Variants in NXN observed in about 807,000 individuals in gnomAD.
NXN encodes the protein nucleoredoxin, also known as nucleoredoxin 1.
NXN carries 16 observed loss-of-function variants against 48.6 expected under a neutral mutation model. The observed-to-expected ratio is 0.33, with a 90% confidence interval of 0.22 to 0.50. NXN has a LOEUF of 0.50. Among genes scored for constraint, NXN ranks in the 20% least tolerant of loss-of-function variants. The probability of loss-of-function intolerance (pLI) is 0.98; values close to 1 mark genes in which losing one functional copy is unlikely to be tolerated. For synonymous variants in NXN, 281 were observed against 269.6 expected, an observed-to-expected ratio of 1.04 and a Z score of -0.41; for missense variants, 492 against 605.5, an observed-to-expected ratio of 0.81 and a Z score of 1.97.
At chr17:887,956 C>G (rs2068366715) in intron 1 of NXN, among the ~76,000 whole-genome samples, 3 of 150,046 alleles carry the variant, frequency 2.0e-5, no homozygotes, top group South Asian at 2.1e-4. Flanking sequence ...TCCACCAGAC[C>G]TCTCCAAGCC....
intron 1 of NXN, among the ~76,000 whole-genome samples, chr17:852,498 A>G (rs966097639): frequency 5.9e-5 from 9 of 152,200 alleles, no homozygotes; most frequent in Non-Finnish European, 8.8e-5. Context: ...GAATGTCCAT[A>G]CTGACGTCCA....
Position 822,336 on chromosome 17 carries a change from G to A in NXN, c.713+21C>T, listed in dbSNP as rs373523545. On this transcript the variant is annotated intron_variant, in intron 4 of 7. Coordinates refer to ENST00000336868, the MANE Select transcript of NXN (RefSeq NM_022463.5). ...CAGCTACCTACAGAAAAGGGGCCCA[G>A]CACTTCACGGCACGACTGACCTGTC... 1.2e-5 allele frequency: 18 copies of A among 1,558,896 alleles called. No homozygotes were observed. In the African/African-American group the frequency reaches 2.2e-4, roughly 19 times the overall value.
At chr17:892,893 T>G (rs934272466) in intron 1 of NXN, among the ~76,000 whole-genome samples, 1 of 152,222 alleles carries the variant, frequency 6.6e-6, no homozygotes, top group Non-Finnish European at 1.5e-5. Flanking sequence ...ATAGTAACAA[T>G]GTACCCATAC....
intron 1 of NXN, among the ~76,000 whole-genome samples, chr17:886,555 T>A (rs549063877): frequency 1.3e-5 from 2 of 152,264 alleles, no homozygotes; most frequent in East Asian, 3.9e-4. Flanking sequence ...TGTGGGTGGA[T>A]CACCTGAGGT....
At chr17:854,837 T>G (rs2067968376) in intron 1 of NXN, among the ~76,000 whole-genome samples, 1 of 151,672 alleles carries the variant, frequency 6.6e-6, no homozygotes, top group South Asian at 2.1e-4. Context: ...CAGGCACCTG[T>G]AGTTCCAGCT....
At chr17:836,050 G>C (rs1913804298) in intron 1 of NXN, among the ~76,000 whole-genome samples, 1 of 101,676 alleles carries the variant, frequency 9.8e-6, no homozygotes, top group African/African-American at 4.6e-5. Context: ...AAACACCGGT[G>C]GGATTCGTCA....
chr17:803,580 C>A (rs1911320346), intron 7 of NXN, 102 bp downstream of exon 7: 2 of 1,483,776 alleles, frequency 1.3e-6, no homozygotes, highest in Non-Finnish European at 9.3e-7. Context: ...ACAGGCAGCC[C>A]TGACCCTGGG....
At chr17:873,801 C>G (rs2068185493) in intron 1 of NXN, among the ~76,000 whole-genome samples, 1 of 152,132 alleles carries the variant, frequency 6.6e-6, no homozygotes, top group African/African-American at 2.4e-5. Context: ...TAAACCATTT[C>G]CCTGGGGGGA....
intron 1 of NXN, among the ~76,000 whole-genome samples, chr17:971,062 T>C (rs2150640466): frequency 6.6e-6 from 1 of 150,878 alleles, no homozygotes; most frequent in African/African-American, 2.4e-5. Context: ...TTCTCCTGCC[T>C]CAGCCTCCTC....
intron 1 of NXN, among the ~76,000 whole-genome samples, chr17:844,497 C>T (rs1231108565): frequency 6.6e-6 from 1 of 152,204 alleles, no homozygotes; most frequent in Non-Finnish European, 1.5e-5. Context: ...AGCTATGAGG[C>T]GATCGCATGT....
intron 1 of NXN, among the ~76,000 whole-genome samples, chr17:918,890 C>A (rs2068717294): frequency 6.6e-6 from 1 of 151,484 alleles, no homozygotes; most frequent in South Asian, 2.1e-4. Flanking sequence ...GTTTCCACAG[C>A]CTCCTTCCTC....
At chr17:908,351 C>CA (rs1316524248) in intron 1 of NXN, among the ~76,000 whole-genome samples, 1 of 152,006 alleles carries the variant, frequency 6.6e-6, no homozygotes, top group African/African-American at 2.4e-5. Context: ...GCCTGGCCAA[C>CA]ATGGTGAAAC....
At chr17:840,381 C>A (rs1028315013) in intron 1 of NXN, among the ~76,000 whole-genome samples, 22 of 152,190 alleles carry the variant, frequency 1.4e-4, no homozygotes, top group African/African-American at 5.3e-4. Context: ...GCTCTGCCGC[C>A]CAGGCTGGGG....
At position 958,055 on chromosome 17, in the gene NXN, G is replaced by A. The variant is rs1159308964; in HGVS notation, c.360+21264C>T. Among the ~76,000 whole-genome samples the A allele has an allele frequency of 2.0e-5, 3 of 152,074 alleles. No homozygotes were observed. The highest frequency in any genetic ancestry group is 4.4e-5 in the Non-Finnish European group (3 of 68,022). ...TCCTCTCGCTCCATCCTATACTTAG[G>A]CGCCTCGGCAGGATCAAATGAACCC... On this transcript the variant is annotated intron_variant, in intron 1 of 7. Coordinates refer to ENST00000336868, the MANE Select transcript of NXN (RefSeq NM_022463.5). The surrounding 1 kb of genome is among the most constrained non-coding windows in gnomAD (Gnocchi z 6.9).
intron 1 of NXN, among the ~76,000 whole-genome samples, chr17:908,526 ACT>A (rs1398659819): frequency 1.3e-5 from 2 of 152,002 alleles, no homozygotes; most frequent in Admixed American, 1.3e-4. Flanking sequence ...ACAGAACGAG[ACT>A]CTGTCTCAAA....
At chr17:965,674 G>A (rs1399272982) in intron 1 of NXN, among the ~76,000 whole-genome samples, 1 of 152,092 alleles carries the variant, frequency 6.6e-6, no homozygotes, top group Non-Finnish European at 1.5e-5. Flanking sequence ...CCCAGACTCA[G>A]GCTAATCAAC....
intron 1 of NXN, among the ~76,000 whole-genome samples, chr17:977,013 A>C (rs1347605281): frequency 2.6e-5 from 4 of 152,112 alleles, no homozygotes; most frequent in African/African-American, 9.7e-5. Context: ...TGATCCGCCC[A>C]CCTCAGCCTT....
intron 1 of NXN, among the ~76,000 whole-genome samples, chr17:841,420 C>A (rs79703488): frequency 0.11 from 3,636 of 32,692 alleles, 244 homozygotes; most frequent in African/African-American, 0.19. Context: ...CTGACCACGG[C>A]GCATCTCACA....
chr17:820,084 A>T (rs1299559819), intron 4 of NXN, among the ~76,000 whole-genome samples: 2 of 152,104 alleles, frequency 1.3e-5, no homozygotes, highest in Non-Finnish European at 2.9e-5. Flanking sequence ...ATGAGCGGAG[A>T]CCGACCCAAG....
Sources: gnomAD v4.1 joint callset for allele counts (sites outside exome capture counted in the v4.1 genomes callset) on GRCh38, gnomAD v4.1.1 for gene constraint, Gnocchi (gnomAD v3.1) non-coding constraint, MANE v1.5 for transcripts, NCBI Gene and HGNC (gene_info 2026-07-23, HGNC 2026-07-21) for gene names.